The following ARSI variants were observed in gnomAD, a reference collection of about 807,000 sequenced individuals.
ARSI encodes arylsulfatase family member I, also known as arylsulfatase I.
In ARSI, 37 loss-of-function variants were observed where a neutral mutation model predicts 42.1. That is an observed-to-expected ratio of 0.88 (90% CI 0.68 to 1.16). ARSI has a LOEUF of 1.16. Ranked by LOEUF, ARSI falls within the 50% of genes most tolerant of loss-of-function variation. The pLI, the probability that ARSI is intolerant of heterozygous loss-of-function variation, is 0.00. For synonymous variants in ARSI, 305 were observed against 320.3 expected (o/e 0.95, Z 0.51); for missense variants, 725 against 790.1 (o/e 0.92, Z 0.99).
Position 150,302,053 on chromosome 5 carries a change from C to A in ARSI, c.311+10G>T. ...AGATGCCCAGCCCCGGGGCCTTGAG[C>A]CACGCCTACCTGCCAGTGAGGAGCT... On this transcript the variant is annotated intron_variant, in intron 1 of 1. Transcript: ENST00000328668. The surrounding 1 kb of genome is among the most constrained non-coding windows in gnomAD (Gnocchi z 6.1). 6.4e-7 allele frequency: 1 copy of A among 1,562,886 alleles called. No individual in the cohort carries two copies. Among genetic ancestry groups the A allele is most frequent in the Non-Finnish European group, 8.7e-7 (1 of 1,152,976 alleles).
chr5:150,299,622 G>A lies in ARSI; in HGVS notation c.312-1010C>T, dbSNP rs188771440. On this transcript the variant is annotated intron_variant, in intron 1 of 1. Transcript: ENST00000328668. ...AAGGGGAAGGGCCTTAACTGAGGTC[G>A]CTCGGTGGTCAGGAACAGAGCCAGG... Among the ~76,000 whole-genome samples, 9 of 151,928 alleles carry A rather than the reference G, an allele frequency of 5.9e-5. No homozygotes were observed. The East Asian group carries it at 1.4e-3, about 23-fold the overall frequency.
Position 150,297,421 on chromosome 5 carries a change from C to A in ARSI, c.1503G>T (p.Pro501=), listed in dbSNP as rs756540774. ...GGGGGTTCTCAGCTGGGTAGCGTAC[C>A]GGGATGGCTGTGCGGTTATATTCGG... The part of the protein sequence containing the change: ...RLAEYNRTAI[P]VRYPAENPRA... The change falls in exon 2 of 2, where the codon CCG becomes CCT. Residue 501 remains proline (P), a synonymous_variant. Transcript: ENST00000328668. The surrounding 1 kb of genome is among the most constrained non-coding windows in gnomAD (Gnocchi z 7.0). 6.2e-7 allele frequency: 1 copy of A among 1,608,242 alleles called. No individual in the cohort carries two copies. The highest frequency in any genetic ancestry group is 1.1e-5 in the South Asian group (1 of 90,156).
chr5:150,302,139 C>T lies in ARSI; in HGVS notation c.235G>A (p.Ala79Thr), dbSNP rs762816002. The part of the protein sequence containing the change: ...IETPTLDRLA[A>T]KGVKLENYYI... Reference sequence around the variant, plus strand: ...TAATTCTCCAACTTGACCCCCTTGGCCGCCAGCCTGTCCAGCGTAGGGGTC... The same window carrying T: ...TAATTCTCCAACTTGACCCCCTTGGTCGCCAGCCTGTCCAGCGTAGGGGTC... The change falls in exon 1 of 2, where the codon GCC becomes ACC. Residue 79 changes from alanine (A) to threonine (T), a missense_variant. Physicochemically the swap from Ala to Thr is moderately conservative, Grantham distance 58 (BLOSUM62 0). Transcript: ENST00000328668. The surrounding 1 kb of genome is among the most constrained non-coding windows in gnomAD (Gnocchi z 6.1). The T allele has an allele frequency of 1.2e-6, 2 of 1,613,270 alleles. No homozygotes were observed. The highest frequency in any genetic ancestry group is 2.2e-5 in the South Asian group (2 of 90,782).
At position 150,298,314 on chromosome 5, in the gene ARSI, T is replaced by C. The variant is rs748260317; in HGVS notation, c.610A>G (p.Ser204Gly). ...TAAAGCATAGTGGAGTACTGGCCGCTGAGCCCCCAGGCCACATTCTCACCC... is the reference window on the plus strand; with the variant it reads ...TAAAGCATAGTGGAGTACTGGCCGCCGAGCCCCCAGGCCACATTCTCACCC... Reference protein sequence around the residue: ...HEGENVAWGLSGQYSTMLYAQ... With the variant: ...HEGENVAWGLGGQYSTMLYAQ... The change falls in exon 2 of 2, where the codon AGC (serine) becomes GGC (glycine). Residue 204 changes from serine (S) to glycine (G), a missense_variant. By Grantham distance (56) the Ser-to-Gly change is moderately conservative. Transcript: ENST00000328668. The C allele has an allele frequency of 8.7e-6, 14 of 1,613,700 alleles. No homozygotes were observed. The highest frequency in any genetic ancestry group is 3.3e-5 in the Admixed American group (2 of 59,968).
chr5:150,299,253 C>G (rs1580975032), intron 1 of ARSI, among the ~76,000 whole-genome samples: 1 of 152,220 alleles, frequency 6.6e-6, no homozygotes, highest in East Asian at 1.9e-4. Context: ...CTTCAAAGCT[C>G]AGTCCAAATG....
At chr5:150,299,116 G>A (rs2150320878) in intron 1 of ARSI, among the ~76,000 whole-genome samples, 1 of 152,316 alleles carries the variant, frequency 6.6e-6, no homozygotes, top group Non-Finnish European at 1.5e-5. Context: ...CACACGGCTA[G>A]TAGTTGGAGT....
At position 150,297,456 on chromosome 5, in the gene ARSI, C is replaced by G; in HGVS notation, c.1468G>C (p.Ala490Pro). Residue 490 changes from alanine to proline, a missense_variant, in exon 2 of 2, where the codon GCT (alanine) becomes CCT (proline). By Grantham distance (27) the Ala-to-Pro change is conservative. Coordinates refer to ENST00000328668, the MANE Select transcript of ARSI (RefSeq NM_001012301.4). The surrounding 1 kb of genome is among the most constrained non-coding windows in gnomAD (Gnocchi z 7.0). ...QRPDVVRTLL[A>P]RLAEYNRTAI... is the part of the protein sequence containing the mutation. Reference sequence around the variant, plus strand: ...GTGCGGTTATATTCGGCCAGGCGAGCCAGCAGGGTGCGGACCACATCAGGC... The same window carrying G: ...GTGCGGTTATATTCGGCCAGGCGAGGCAGCAGGGTGCGGACCACATCAGGC... 6.2e-7 allele frequency: 1 copy of G among 1,611,516 alleles called. No individual in the cohort carries two copies. Among genetic ancestry groups the G allele is most frequent in the Non-Finnish European group, 8.5e-7 (1 of 1,178,548 alleles).
chr5:150,300,627 A>T lies in ARSI; in HGVS notation c.311+1436T>A, dbSNP rs935056907. ...CTCCAGTGTCACAAAACACAACTGG[A>T]TGTGTTAACAAACACTAACGAGGGC... On this transcript the variant is annotated intron_variant, in intron 1 of 1. Coordinates refer to ENST00000328668, the MANE Select transcript of ARSI (RefSeq NM_001012301.4). Among the ~76,000 whole-genome samples, 11 of 152,190 alleles carry T rather than the reference A, an allele frequency of 7.2e-5. 1 individual carries two copies. The highest frequency in any genetic ancestry group is 6.5e-4 in the Admixed American group (10 of 15,284).
At chr5:150,299,163 G>A (rs780988538) in intron 1 of ARSI, among the ~76,000 whole-genome samples, 2 of 152,134 alleles carry the variant, frequency 1.3e-5, no homozygotes, top group African/African-American at 4.8e-5. Context: ...TCCAGACTTC[G>A]GAATCCCTAA....
Position 150,302,392 on chromosome 5 carries a change from G to T in ARSI, c.-19C>A, listed in dbSNP as rs1757937766. The T allele has an allele frequency of 1.4e-6, 2 of 1,413,400 alleles. No homozygotes were observed. The allele number at this position is 1,413,400 out of a possible 1,614,324, so 87.6% of individuals were successfully genotyped here. A position where few individuals can be genotyped will look rare whatever the true frequency, so the allele number is the denominator to read the frequency against. On this transcript the variant is annotated 5_prime_UTR_variant, in exon 1 of 2. Transcript: ENST00000328668. This position sits in a 1 kb window ranked among gnomAD's most constrained non-coding sequence, Gnocchi z 6.1. Reference sequence around the variant, plus strand: ...TGTGCATCGCCAAGCCGGCCCGCGCGTCCCGGCGCGCCGGGCTCCTGGGGC... The same window carrying T: ...TGTGCATCGCCAAGCCGGCCCGCGCTTCCCGGCGCGCCGGGCTCCTGGGGC...
chr5:150,297,326 T>A lies in ARSI; in HGVS notation c.1598A>T (p.Glu533Val). Residue 533 changes from glutamate (E) to valine (V), a missense_variant, in exon 2 of 2, where the codon GAA becomes GTA. Physicochemically the swap from Glu to Val is moderately radical, Grantham distance 121 (BLOSUM62 -2). Coordinates refer to ENST00000328668, the MANE Select transcript of ARSI (RefSeq NM_001012301.4). This position sits in a 1 kb window ranked among gnomAD's most constrained non-coding sequence, Gnocchi z 7.0. ...WASDEEEEEE[E>V]GRARSFSRGR... The stretch of plus-strand genomic sequence containing the variant: ...CCGGGAGAAGCTTCGAGCCCTCCCT[T>A]CCTCTTCCTCCTCTTCCTCATCACT... The A allele has an allele frequency of 6.2e-7, 1 of 1,613,612 alleles. No individual in the cohort carries two copies. Among genetic ancestry groups the A allele is most frequent in the South Asian group, 1.1e-5 (1 of 90,990 alleles).
Position 150,297,156 on chromosome 5 carries a change from C to T in ARSI, c.*58G>A. On this transcript the variant is annotated 3_prime_UTR_variant, in exon 2 of 2. Transcript: ENST00000328668. The surrounding 1 kb of genome is among the most constrained non-coding windows in gnomAD (Gnocchi z 7.0). ...TGACAGGCTTCTCCCTGAGAAACAG[C>T]AGGGCCAAGCCGGAGTGGGGAAGAT... The T allele has an allele frequency of 1.3e-6, 2 of 1,511,974 alleles. No homozygotes were observed. Among genetic ancestry groups the T allele is most frequent in the Non-Finnish European group, 1.8e-6 (2 of 1,127,108 alleles). 93.7% of individuals were successfully genotyped at this position (1,511,974 alleles called of 1,614,324 possible). A position where few individuals can be genotyped will look rare whatever the true frequency, so the allele number is the denominator to read the frequency against.
In ARSI at chr5:150,298,325, G is replaced by A; in HGVS notation, c.599C>T (p.Ala200Val). The A allele has an allele frequency of 6.2e-7, 1 of 1,613,974 alleles. No homozygotes were observed. Among genetic ancestry groups the A allele is most frequent in the East Asian group, 2.2e-5 (1 of 44,878 alleles). ...GFDLHEGENV[A>V]WGLSGQYSTM... ...GGAGTACTGGCCGCTGAGCCCCCAGGCCACATTCTCACCCTCGTGCAGGTC... is the reference window on the plus strand; with the variant it reads ...GGAGTACTGGCCGCTGAGCCCCCAGACCACATTCTCACCCTCGTGCAGGTC... Residue 200 changes from alanine to valine, a missense_variant, in exon 2 of 2, where the codon GCC becomes GTC. By Grantham distance (64) the Ala-to-Val change is moderately conservative. Coordinates refer to ENST00000328668, the MANE Select transcript of ARSI (RefSeq NM_001012301.4).
rs746347094 is a variant in ARSI, at chr5:150,297,375, CA to C, written c.1548del (p.Asn516LysfsTer49). ...AENPRAHPDF[N>X]GGAWGPWASD... ...CTGGCCCAGGGCCCCCAAGCACCCC[CA>C]TTAAAGTCAGGATGAGCCCGGGGGT... On this transcript the variant is annotated frameshift_variant, in exon 2 of 2. Transcript: ENST00000328668. LOFTEE classifies it high-confidence loss of function. This position sits in a 1 kb window ranked among gnomAD's most constrained non-coding sequence, Gnocchi z 7.0. 6.2e-7 allele frequency: 1 copy of C among 1,611,394 alleles called. No individual in the cohort carries two copies. Among genetic ancestry groups the C allele is most frequent in the South Asian group, 1.1e-5 (1 of 90,636 alleles).
rs1007405064 is a variant in ARSI at position 150,297,728 on chromosome 5, G to T, written c.1196C>A (p.Ala399Asp). 2 of 1,613,108 alleles carry T rather than the reference G, an allele frequency of 1.2e-6. No homozygotes were observed. Among genetic ancestry groups the T allele is most frequent in the East Asian group, 2.2e-5 (1 of 44,874 alleles). ...GCCGCCCTCCAGGGAGCCATGCTGG[G>T]CATGGTTGTAGAGTGGGTCAATGTT... ...LHNIDPLYNH[A>D]QHGSLEGGFG... is the part of the protein sequence containing the mutation. The change falls in exon 2 of 2, where the codon GCC (alanine) becomes GAC (aspartate). Residue 399 changes from alanine (A) to aspartate (D), a missense_variant. Transcript: ENST00000328668. The surrounding 1 kb of genome is among the most constrained non-coding windows in gnomAD (Gnocchi z 7.0).
chr5:150,298,623 G>T lies in ARSI; in HGVS notation c.312-11C>A. ...GTGTGGATCTGGTACCTGGTGGGGA[G>T]GAGGGGAAGGCACAGAAGGCACAGG... On this transcript the variant is annotated splice_polypyrimidine_tract_variant and intron_variant, in intron 1 of 1. Coordinates refer to ENST00000328668, the MANE Select transcript of ARSI (RefSeq NM_001012301.4). 6.3e-7 allele frequency: 1 copy of T among 1,591,738 alleles called. No individual in the cohort carries two copies. The highest frequency in any genetic ancestry group is 1.3e-5 in the African/African-American group (1 of 74,422).
intron 1 of ARSI, 135 bp downstream of exon 1, chr5:150,301,928 G>C (rs1310857437): frequency 1.1e-6 from 1 of 924,324 alleles, no homozygotes; most frequent in Non-Finnish European, 1.6e-6. Flanking sequence ...AGAGGGCGAG[G>C]GACTTACTAA....
chr5:150,301,049 G>C (rs956976103), intron 1 of ARSI, among the ~76,000 whole-genome samples: 4 of 152,110 alleles, frequency 2.6e-5, no homozygotes, highest in African/African-American at 9.7e-5. Context: ...CCAAACACCT[G>C]GCCTCTCAAT....
At chr5:150,300,348 G>A (rs73799003) in intron 1 of ARSI, among the ~76,000 whole-genome samples, 9,153 of 152,286 alleles carry the variant, frequency 0.06, 336 homozygotes, top group African/African-American at 0.1. Flanking sequence ...CTGACAAGCA[G>A]TGGAGCTAAG....
Sources: allele counts gnomAD v4.1 joint callset (sites outside exome capture counted in the v4.1 genomes callset), GRCh38; gene constraint gnomAD v4.1.1; non-coding constraint Gnocchi (gnomAD v3.1); transcripts MANE v1.5; gene names NCBI Gene and HGNC (gene_info 2026-07-23, HGNC 2026-07-21).